GPD2: variants seen among roughly 807,000 people sequenced by gnomAD.
GPD2 encodes glycerol-3-phosphate dehydrogenase, mitochondrial.
In GPD2, 54 loss-of-function variants were observed where a neutral mutation model predicts 82.4. The observed-to-expected ratio is 0.66, with a 90% CI of 0.53 to 0.82. GPD2 has a LOEUF of 0.82. GPD2 is among the 40% of genes least tolerant of loss of function. The pLI is 0.00. For synonymous variants in GPD2, 288 were observed against 306.1 expected, an observed-to-expected ratio of 0.94 and a Z score of 0.62; for missense variants, 748 against 896.2, an observed-to-expected ratio of 0.83 and a Z score of 2.11.
intron 1 of GPD2, among the ~76,000 whole-genome samples, chr2:156,442,338 C>G (rs1682204341): frequency 6.6e-6 from 1 of 152,072 alleles, no homozygotes; most frequent in African/African-American, 2.4e-5. Context: ...CTTTAGATAG[C>G]TATATACTTA....
the GPD2 span, among the ~76,000 whole-genome samples, chr2:156,412,867 C>T: frequency 6.6e-6 from 1 of 152,130 alleles, no homozygotes; most frequent in Admixed American, 6.6e-5. Flanking sequence ...GAGGCTGAGA[C>T]AGGTGGATCA....
intron 6 of GPD2, among the ~76,000 whole-genome samples, chr2:156,526,722 A>T (rs1051596925): frequency 6.6e-6 from 1 of 152,136 alleles, no homozygotes; most frequent in African/African-American, 2.4e-5. Flanking sequence ...TGCAGTAACT[A>T]TCTAATGAAT....
At chr2:156,457,470 T>C (rs578028596) in intron 1 of GPD2, among the ~76,000 whole-genome samples, 2 of 152,388 alleles carry the variant, frequency 1.3e-5, no homozygotes, top group South Asian at 4.1e-4. Flanking sequence ...GAAATAGATC[T>C]GCATTAGATG....
At chr2:156,465,948 C>T (rs757645339) in intron 1 of GPD2, among the ~76,000 whole-genome samples, 1 of 152,122 alleles carries the variant, frequency 6.6e-6, no homozygotes, top group South Asian at 2.1e-4. Flanking sequence ...CTAAGTCAAC[C>T]ATTTCTTGTT....
At chr2:156,512,929 T>A (rs1289177245) in intron 5 of GPD2, among the ~76,000 whole-genome samples, 1 of 152,182 alleles carries the variant, frequency 6.6e-6, no homozygotes, top group Non-Finnish European at 1.5e-5. Flanking sequence ...TATAATTTTG[T>A]TCATCCTTCA....
upstream of GPD2, among the ~76,000 whole-genome samples, chr2:156,430,343 A>G (rs978120456): frequency 6.7e-6 from 1 of 150,150 alleles, no homozygotes; most frequent in Admixed American, 6.7e-5. Flanking sequence ...GAAACAAAAG[A>G]AAAAAAAACA....
At chr2:156,497,608 A>C (rs928143272) in intron 3 of GPD2, among the ~76,000 whole-genome samples, 2 of 152,200 alleles carry the variant, frequency 1.3e-5, no homozygotes, top group Non-Finnish European at 2.9e-5. Context: ...TACCTGGCAG[A>C]ATCTACTCTT....
chr2:156,571,429 G>C, intron 13 of GPD2, 137 bp downstream of exon 13: 1 of 499,994 alleles, frequency 2.0e-6, no homozygotes, highest in Non-Finnish European at 3.5e-6. Context: ...GTTTAATATT[G>C]TTAGGCCTTA....
At chr2:156,560,839 G>A (rs1249480022) in intron 9 of GPD2, among the ~76,000 whole-genome samples, 1 of 152,002 alleles carries the variant, frequency 6.6e-6, no homozygotes, top group African/African-American at 2.4e-5. Context: ...TCAATTACAT[G>A]CTACTGTTAA....
the GPD2 span, among the ~76,000 whole-genome samples, chr2:156,402,641 T>A: frequency 6.6e-6 from 1 of 152,140 alleles, no homozygotes; most frequent in African/African-American, 2.4e-5. Context: ...CCACCATGCA[T>A]GGCTAATTTT....
the GPD2 span, among the ~76,000 whole-genome samples, chr2:156,405,918 A>G: frequency 0.048 from 7,276 of 152,296 alleles, 248 homozygotes; most frequent in Non-Finnish European, 0.071. Flanking sequence ...GCACTTGCTC[A>G]AGGTACCAAG....
chr2:156,412,598 G>T, the GPD2 span, among the ~76,000 whole-genome samples: 3 of 152,126 alleles, frequency 2.0e-5, no homozygotes, highest in Non-Finnish European at 4.4e-5. Context: ...TTATAGGGTT[G>T]CTGTGAGAAT....
intron 9 of GPD2, among the ~76,000 whole-genome samples, chr2:156,561,019 C>G (rs1419227493): frequency 7.7e-6 from 1 of 130,110 alleles, no homozygotes; most frequent in Non-Finnish European, 1.6e-5. Flanking sequence ...GTTGAAGAAA[C>G]TGAGGCCCAG....
chr2:156,565,337 C>T (rs748448574), intron 9 of GPD2, among the ~76,000 whole-genome samples: 9 of 151,994 alleles, frequency 5.9e-5, no homozygotes, highest in South Asian at 2.1e-4. Flanking sequence ...GTGGTAATTT[C>T]CTAGTTAGGT....
chr2:156,514,407 A>G (rs918382885), intron 6 of GPD2, among the ~76,000 whole-genome samples: 1 of 151,664 alleles, frequency 6.6e-6, no homozygotes, highest in African/African-American at 2.4e-5. Context: ...TACCTCAGTG[A>G]GCCCCCCACC....
intron 1 of GPD2, among the ~76,000 whole-genome samples, chr2:156,457,085 T>C (rs1307823074): frequency 1.3e-5 from 2 of 152,220 alleles, no homozygotes; most frequent in Non-Finnish European, 2.9e-5. Flanking sequence ...AAAAATTGAC[T>C]CATAGACTGT....
At chr2:156,538,682 A>G (rs1027245993) in intron 6 of GPD2, among the ~76,000 whole-genome samples, 16 of 151,726 alleles carry the variant, frequency 1.1e-4, no homozygotes, top group Non-Finnish European at 2.4e-4. Flanking sequence ...TTAGCTGGGC[A>G]TGGTGGCGGG....
At chr2:156,402,704 A>G in the GPD2 span, among the ~76,000 whole-genome samples, 1 of 151,788 alleles carries the variant, frequency 6.6e-6, no homozygotes, top group Non-Finnish European at 1.5e-5. Flanking sequence ...GAGAAGAGAG[A>G]GGTGTCTCGC....
At chr2:156,472,255 T>G (rs1683356048) in intron 1 of GPD2, among the ~76,000 whole-genome samples, 1 of 152,212 alleles carries the variant, frequency 6.6e-6, no homozygotes, top group South Asian at 2.1e-4. Context: ...GGGTACATGT[T>G]GTCCACAGCA....
Sources: gnomAD v4.1 joint callset for allele counts (sites outside exome capture counted in the v4.1 genomes callset) on GRCh38, gnomAD v4.1.1 for gene constraint, MANE v1.5 for transcripts, NCBI Gene and HGNC (gene_info 2026-07-23, HGNC 2026-07-21) for gene names.